CDC25B: variants seen among roughly 807,000 people sequenced by gnomAD.
CDC25B encodes cell division cycle 25B.
Under a neutral mutation model 69.8 loss-of-function variants are expected in CDC25B, and 33 were observed. The observed-to-expected ratio is 0.47, with a 90% CI of 0.36 to 0.63. The LOEUF (loss-of-function observed/expected upper bound fraction) is 0.63. Ranked by LOEUF, CDC25B falls within the 30% of genes least tolerant of loss-of-function variation. CDC25B has a pLI of 0.00. For synonymous variants in CDC25B, 341 were observed against 314.6 expected (o/e 1.08, Z -0.89); for missense variants, 727 against 809.1 (o/e 0.90, Z 1.23).
At position 3,802,851 on chromosome 20, in the gene CDC25B, CT is replaced by C; in HGVS notation, c.1195-58del. 5 of 1,372,548 alleles carry C rather than the reference CT, an allele frequency of 3.6e-6. 1 individual carries two copies. In the Middle Eastern group the frequency reaches 5.3e-4, roughly 146 times the overall value. 85.0% of individuals were successfully genotyped at this position (1,372,548 alleles called of 1,614,324 possible). ...GGGAATGAAACTTCATTCTTTGAGGCTCCTGGTCTTACCAATTTAACTTTCT... is the reference window on the plus strand; with the variant it reads ...GGGAATGAAACTTCATTCTTTGAGGCCCTGGTCTTACCAATTTAACTTTCT... On this transcript the variant is annotated intron_variant, in intron 11 of 15. Transcript: ENST00000245960.
intron 1 of CDC25B, among the ~76,000 whole-genome samples, 180 bp downstream of exon 1, chr20:3,796,911 T>C (rs2089077052): frequency 6.6e-6 from 1 of 152,092 alleles, no homozygotes; most frequent in Non-Finnish European, 1.5e-5. Context: ...AAGTGAGACC[T>C]GGGCTGTGCC....
At chr20:3,789,913 C>T (rs997187838) in intron 1 of CDC25B, among the ~76,000 whole-genome samples, 4 of 151,662 alleles carry the variant, frequency 2.6e-5, no homozygotes, top group Non-Finnish European at 4.4e-5. Flanking sequence ...GGCGTGAACC[C>T]GGGAGGTGGA....
Position 3,803,314 on chromosome 20 carries a change from G to A in CDC25B, c.1357-90G>A. 3 of 1,587,452 alleles carry A rather than the reference G, an allele frequency of 1.9e-6. No homozygotes were observed. Among genetic ancestry groups the A allele is most frequent in the South Asian group, 2.2e-5 (2 of 89,946 alleles). On this transcript the variant is annotated intron_variant, in intron 13 of 15. Coordinates refer to ENST00000245960, the MANE Select transcript of CDC25B (RefSeq NM_021873.4). This position sits in a 1 kb window ranked among gnomAD's most constrained non-coding sequence, Gnocchi z 4.9. ...GACGGGTGCCCCCTCTCATGGGGAGGGTTCCTACTAAGAGAAGGACAGCGA... is the reference window on the plus strand; with the variant it reads ...GACGGGTGCCCCCTCTCATGGGGAGAGTTCCTACTAAGAGAAGGACAGCGA...
rs1235517970 is a variant in CDC25B, at chr20:3,801,358, A to C, written c.810A>C (p.Gly270=). The change falls in exon 8 of 16, where the codon GGA becomes GGC. Residue 270 remains glycine (G), a synonymous_variant. Transcript: ENST00000245960. ...AGGGGGATACTGAGGAAGATGATGG[A>C]TTTGTGGACATCCTAGAGAGTGACT... The part of the protein sequence containing the change: ...PAEGDTEEDD[G]FVDILESDLK... 1.5e-5 allele frequency: 24 copies of C among 1,613,662 alleles called. No homozygotes were observed. The highest frequency in any genetic ancestry group is 1.9e-5 in the Non-Finnish European group (23 of 1,179,848).
chr20:3,789,920 T>C (rs944967414), intron 1 of CDC25B, among the ~76,000 whole-genome samples: 43 of 147,770 alleles, frequency 2.9e-4, no homozygotes, highest in Non-Finnish European at 4.5e-4. Context: ...ACCCGGGAGG[T>C]GGAGCTTGCA....
rs11570014 is a variant in CDC25B, at chr20:3,803,345, C to T, written c.1357-59C>T. 50 of 1,610,772 alleles carry T rather than the reference C, an allele frequency of 3.1e-5. No homozygotes were observed. In the Middle Eastern group the frequency reaches 2.6e-3, roughly 85 times the overall value. On this transcript the variant is annotated intron_variant, in intron 13 of 15. Transcript: ENST00000245960. This position sits in a 1 kb window ranked among gnomAD's most constrained non-coding sequence, Gnocchi z 4.9. Reference sequence around the variant, plus strand: ...TACTAAGAGAAGGACAGCGACTGCACGGGGAGGGCCCTGACTCCTGGACCC... The same window carrying T: ...TACTAAGAGAAGGACAGCGACTGCATGGGGAGGGCCCTGACTCCTGGACCC...
At chr20:3,802,136 C>A in intron 10 of CDC25B, 36 bp downstream of exon 10, 1 of 1,539,048 alleles carries the variant, frequency 6.5e-7, no homozygotes, top group Non-Finnish European at 8.8e-7. Context: ...CTTTGGCATG[C>A]ACCTGGGCAG....
At position 3,804,890 on chromosome 20, in the gene CDC25B, C is replaced by T. The variant is rs766556021; in HGVS notation, c.1672C>T (p.Arg558Cys). 80 of 1,614,040 alleles carry T rather than the reference C, an allele frequency of 5.0e-5. No homozygotes were observed. The highest frequency in any genetic ancestry group is 6.1e-5 in the Non-Finnish European group (72 of 1,180,032). Residue 558 changes from arginine (R) to cysteine (C), a missense_variant, in exon 16 of 16, where the codon CGC becomes TGC. By Grantham distance (180) the Arg-to-Cys change is radical (BLOSUM62 -3). This residue lies in a region of CDC25B where 359 missense variants were observed against 463.4 expected (regional missense o/e 0.77). Coordinates refer to ENST00000245960, the MANE Select transcript of CDC25B (RefSeq NM_021873.4). ...CTTCAAGGATGAGCTAAAGACCTTC[C>T]GCCTCAAGACTCGCAGCTGGGCTGG... Reference protein sequence around the residue: ...EAFKDELKTFRLKTRSWAGER... With the variant: ...EAFKDELKTFCLKTRSWAGER...
At chr20:3,787,030 G>GTTT in exon 1 of CDC25B, 38 of 452,394 alleles carry the variant, frequency 8.4e-5, no homozygotes, top group Non-Finnish European at 1.1e-4. Context: ...GTTTTTGTTT[G>GTTT]TTTTTTTTTT....
Position 3,800,840 on chromosome 20 carries a change from G to T in CDC25B, c.557G>T (p.Ser186Ile), listed in dbSNP as rs751526183. Reference protein sequence around the residue: ...RKSEAGSGAASSSGEDKENDG... With the variant: ...RKSEAGSGAAISSGEDKENDG... ...AGCGAGGCGGGCAGTGGAGCTGCCAGCAGCTCTGGGGAAGACAAGGAGAAT... is the reference window on the plus strand; with the variant it reads ...AGCGAGGCGGGCAGTGGAGCTGCCATCAGCTCTGGGGAAGACAAGGAGAAT... Residue 186 changes from serine to isoleucine, a missense_variant, in exon 6 of 16, where the codon AGC becomes ATC. By Grantham distance (142) the Ser-to-Ile change is moderately radical (BLOSUM62 -2). This residue lies in a region of CDC25B where 368 missense variants were observed against 345.6 expected (regional missense o/e 1.06). Coordinates refer to ENST00000245960, the MANE Select transcript of CDC25B (RefSeq NM_021873.4). 6.2e-7 allele frequency: 1 copy of T among 1,613,748 alleles called. No individual in the cohort carries two copies. Among genetic ancestry groups the T allele is most frequent in the Non-Finnish European group, 8.5e-7 (1 of 1,180,034 alleles).
upstream of CDC25B, chr20:3,795,937 T>C: frequency 1.0e-6 from 1 of 986,844 alleles, no homozygotes; most frequent in South Asian, 4.6e-5. Context: ...TTAGCAAACT[T>C]CCGGGAGCCA....
upstream of CDC25B, among the ~76,000 whole-genome samples, chr20:3,793,656 AG>A (rs1411221389): frequency 2.0e-5 from 3 of 149,502 alleles, no homozygotes; most frequent in Non-Finnish European, 4.4e-5. Context: ...TGTGCAGGTT[AG>A]TTACATATGT....
intron 2 of CDC25B, 141 bp from the exon 3 acceptor site, chr20:3,798,271 T>G (rs1600391134): frequency 6.0e-6 from 3 of 502,268 alleles, no homozygotes; most frequent in Non-Finnish European, 1.0e-5. Context: ...CATGGTTGGG[T>G]TTTTGTTTCA....
In CDC25B at chr20:3,802,103, G is replaced by C; in HGVS notation, c.1098+3G>C. ...AGCAGCAGGAGGCTGAGGAACCTGT[G>C]AGTGCCTTCCTCCTGGGGTTCACTT... On this transcript the variant is annotated splice_donor_region_variant and intron_variant, in intron 10 of 15. Transcript: ENST00000245960. 1 of 1,548,626 alleles carries C rather than the reference G, an allele frequency of 6.5e-7. No individual in the cohort carries two copies. The highest frequency in any genetic ancestry group is 8.7e-7 in the Non-Finnish European group (1 of 1,144,270).
At chr20:3,796,289 G>A (rs1477034271), upstream of CDC25B, 6 of 1,362,120 alleles carry the variant, frequency 4.4e-6, no homozygotes, top group Non-Finnish European at 5.6e-6. Flanking sequence ...ATATAAGGAG[G>A]TGGAAGTGGC....
chr20:3,787,545 G>A (rs2088845928), intron 1 of CDC25B, among the ~76,000 whole-genome samples: 1 of 152,178 alleles, frequency 6.6e-6, no homozygotes, highest in South Asian at 2.1e-4. Flanking sequence ...AGCCATAAAT[G>A]TATGTGTTTG....
At chr20:3,787,137 C>T (rs1313688164) in exon 1 of CDC25B, 1 of 663,286 alleles carries the variant, frequency 1.5e-6, no homozygotes, top group Admixed American at 2.4e-5. Context: ...GAGAGATGCA[C>T]AGGTAACATT....
intron 7 of CDC25B, 55 bp downstream of exon 7, chr20:3,801,148 G>A (rs2089268554): frequency 6.2e-7 from 1 of 1,608,770 alleles, no homozygotes; most frequent in Admixed American, 1.7e-5. Flanking sequence ...CCTCGGAGAA[G>A]AGGAGGGTGG....
chr20:3,791,551 G>T (rs2056409745), upstream of CDC25B, among the ~76,000 whole-genome samples: 1 of 152,056 alleles, frequency 6.6e-6, no homozygotes, highest in Non-Finnish European at 1.5e-5. Context: ...AGCATAGTGG[G>T]ATGCGCCTGT....
Sources: gnomAD v4.1 joint callset for allele counts (sites outside exome capture counted in the v4.1 genomes callset) on GRCh38, gnomAD v4.1.1 for gene constraint, gnomAD v4.1.1 regional missense constraint, Gnocchi (gnomAD v3.1) non-coding constraint, MANE v1.5 for transcripts, NCBI Gene and HGNC (gene_info 2026-07-23, HGNC 2026-07-21) for gene names.